VARS2: variants seen among roughly 807,000 people sequenced by gnomAD.
VARS2 encodes the protein valine--tRNA ligase, mitochondrial.
A neutral mutation model predicts 154.1 loss-of-function variants in VARS2; 105 were observed. That is an observed-to-expected ratio of 0.68 (90% CI 0.58 to 0.80). The LOEUF (loss-of-function observed/expected upper bound fraction) is 0.80, where lower values mean the gene tolerates loss of function less well. Among genes scored for constraint, VARS2 ranks in the 30% least tolerant of loss-of-function variants. The pLI is 0.00. For synonymous variants in VARS2, 483 were observed against 539.5 expected (o/e 0.90, Z 1.45); for missense variants, 1,157 against 1,361.4 (o/e 0.85, Z 2.36).
At position 30,918,995 on chromosome 6, in the gene VARS2, TTCTC is replaced by T. The variant is rs1172283080; in HGVS notation, c.1074+84_1074+87del. ...CTCTTGGGTTTTAAATGGTGGCTCT[TTCTC>T]TCTTGCTTCTACTTCCTTTTCCTGA... On this transcript the variant is annotated intron_variant, in intron 11 of 29. Coordinates refer to ENST00000676266, the MANE Select transcript of VARS2 (RefSeq NM_020442.6). The T allele has an allele frequency of 4.0e-5, 53 of 1,321,600 alleles. No individual in the cohort carries two copies. The African/African-American group carries it at 5.4e-4, about 13-fold the overall frequency. The allele number at this position is 1,321,600 out of a possible 1,614,324, so 81.9% of individuals were successfully genotyped here.
intron 26 of VARS2, 69 bp from the exon 27 acceptor site, chr6:30,925,205 G>C (rs1794756304): frequency 8.3e-6 from 10 of 1,202,524 alleles, no homozygotes; most frequent in Non-Finnish European, 1.1e-5. Flanking sequence ...GTCGAGAAGA[G>C]AGCCAGCAGG....
intron 21 of VARS2, 36 bp downstream of exon 21, chr6:30,922,590 G>A: frequency 6.4e-7 from 1 of 1,558,324 alleles, no homozygotes; most frequent in South Asian, 1.2e-5. Context: ...GACAAGGTTT[G>A]CAGGGTTTGC....
chr6:30,915,716 T>A, intron 4 of VARS2, 30 bp from the exon 5 acceptor site: 1 of 1,611,976 alleles, frequency 6.2e-7, no homozygotes, highest in Non-Finnish European at 8.5e-7. Context: ...CAATTCTCTC[T>A]TGCCCCTTTG....
intron 20 of VARS2, 46 bp from the exon 21 acceptor site, chr6:30,922,404 G>C: frequency 6.2e-7 from 1 of 1,608,698 alleles, no homozygotes. Flanking sequence ...AGATCCCAAG[G>C]CACCTCCAAG....
chr6:30,915,754 G>T lies in VARS2; in HGVS notation c.393G>T (p.Leu131=). 1.2e-6 allele frequency: 2 copies of T among 1,613,314 alleles called. No individual in the cohort carries two copies. Among genetic ancestry groups the T allele is most frequent in the African/African-American group, 1.3e-5 (1 of 75,004 alleles). The change falls in exon 5 of 30, where the codon CTG becomes CTT. Residue 131 remains leucine, a synonymous_variant. Coordinates refer to ENST00000676266, the MANE Select transcript of VARS2 (RefSeq NM_020442.6). ...GFFKPEYQAR[L]PQATGETFSM... ...TTTTTTTCTTCCTCTAGGCCCGGCT[G>T]CCCCAAGCTACAGGGGAGACCTTTT...
In VARS2 at chr6:30,925,514, C is replaced by T. The variant is rs375181373; in HGVS notation, c.2786-30C>T. On this transcript the variant is annotated intron_variant, in intron 27 of 29. Coordinates refer to ENST00000676266, the MANE Select transcript of VARS2 (RefSeq NM_020442.6). ...GTAGGAAGGGAGGCAGGAGCTGAGG[C>T]CTTGCCCCTGACAGTTTCTTTCTTT... 5.8e-6 allele frequency: 9 copies of T among 1,560,496 alleles called. No homozygotes were observed. The East Asian group carries it at 1.8e-4, about 31-fold the overall frequency.
At chr6:30,914,614 G>A in intron 1 of VARS2, 196 bp from the exon 2 acceptor site, 1 of 1,166,844 alleles carries the variant, frequency 8.6e-7, no homozygotes, top group Non-Finnish European at 1.2e-6. Flanking sequence ...TTCCGGAAGA[G>A]CCCTGATATC....
Position 30,916,286 on chromosome 6 carries a change from G to C in VARS2, c.671+37G>C, listed in dbSNP as rs751708016. 1.3e-6 allele frequency: 2 copies of C among 1,563,800 alleles called. No homozygotes were observed. The highest frequency in any genetic ancestry group is 1.7e-6 in the Non-Finnish European group (2 of 1,149,834). Reference sequence around the variant, plus strand: ...GGGCAGGACTCGGGGGGCCCAGATGGCAGATTTGGTTTCTTGCCTCCCACC... The same window carrying C: ...GGGCAGGACTCGGGGGGCCCAGATGCCAGATTTGGTTTCTTGCCTCCCACC... On this transcript the variant is annotated intron_variant, in intron 7 of 29. Coordinates refer to ENST00000676266, the MANE Select transcript of VARS2 (RefSeq NM_020442.6). The surrounding 1 kb of genome is among the most constrained non-coding windows in gnomAD (Gnocchi z 4.0).
chr6:30,917,958 G>C lies in VARS2; in HGVS notation c.985+152G>C, dbSNP rs374264172. ...GTGGGCACTTACCCAGGGTCTTCTG[G>C]GGGATGTACAAAAAGTGCATGTGGT... On this transcript the variant is annotated intron_variant, in intron 10 of 29. Transcript: ENST00000676266. This position sits in a 1 kb window ranked among gnomAD's most constrained non-coding sequence, Gnocchi z 4.4. 7.6e-6 allele frequency: 6 copies of C among 793,554 alleles called. No individual in the cohort carries two copies. The highest frequency in any genetic ancestry group is 3.2e-5 in the South Asian group (2 of 61,604). 49.2% of individuals were successfully genotyped at this position (793,554 alleles called of 1,614,324 possible).
Position 30,920,428 on chromosome 6 carries a change from C to T in VARS2, c.1389C>T (p.Pro463=). Residue 463 remains proline, a synonymous_variant, in exon 14 of 30, where the codon CCC becomes CCT. Transcript: ENST00000676266. This position sits in a 1 kb window ranked among gnomAD's most constrained non-coding sequence, Gnocchi z 4.6. ...TCCAGAACCACCCCATGGTACTGCCCATCTGCAGGTAACCTCATTTTAACT... is the reference window on the plus strand; with the variant it reads ...TCCAGAACCACCCCATGGTACTGCCTATCTGCAGGTAACCTCATTTTAACT... ...RGLQNHPMVL[P]ICSRSGDVIE... The T allele has an allele frequency of 1.2e-6, 2 of 1,606,214 alleles. No homozygotes were observed. Among genetic ancestry groups the T allele is most frequent in the Non-Finnish European group, 1.7e-6 (2 of 1,177,258 alleles).
rs1329661434 is a variant in VARS2, at chr6:30,922,154, G to A, written c.1845G>A (p.Leu615=). The change falls in exon 20 of 30, where the codon TTG becomes TTA. Residue 615 remains leucine, a synonymous_variant. Coordinates refer to ENST00000676266, the MANE Select transcript of VARS2 (RefSeq NM_020442.6). The stretch of plus-strand genomic sequence containing the variant: ...CTCGTTTCTACCCCCTGTCACTTTT[G>A]GAAACGGGCAGCGACCTTCTGCTGT... The part of the protein sequence containing the change: ...DLARFYPLSL[L]ETGSDLLLFW... 6 of 1,612,530 alleles carry A rather than the reference G, an allele frequency of 3.7e-6. No individual in the cohort carries two copies. The highest frequency in any genetic ancestry group is 5.1e-6 in the Non-Finnish European group (6 of 1,179,862).
chr6:30,916,820 CCTGGT>C lies in VARS2; in HGVS notation c.672-57_672-53del. ...TGGCATTGCTGGGGGCATCGCTGGG[CCTGGT>C]ACATAGGAAGTGCTTGGGAAGTGTT... On this transcript the variant is annotated intron_variant, in intron 7 of 29. Coordinates refer to ENST00000676266, the MANE Select transcript of VARS2 (RefSeq NM_020442.6). This position sits in a 1 kb window ranked among gnomAD's most constrained non-coding sequence, Gnocchi z 4.0. 1 of 1,576,852 alleles carries C rather than the reference CCTGGT, an allele frequency of 6.3e-7. No homozygotes were observed. The highest frequency in any genetic ancestry group is 8.7e-7 in the Non-Finnish European group (1 of 1,146,340).
rs147585802 is a variant in VARS2, at chr6:30,921,389, G to T, written c.1632+84G>T. On this transcript the variant is annotated intron_variant, in intron 17 of 29. Coordinates refer to ENST00000676266, the MANE Select transcript of VARS2 (RefSeq NM_020442.6). This position sits in a 1 kb window ranked among gnomAD's most constrained non-coding sequence, Gnocchi z 4.6. Reference sequence around the variant, plus strand: ...TCAGAGCTCCGCAGGGCCAAGTCCCGCTCCTGCCTGGTCATGTGCTTCATG... The same window carrying T: ...TCAGAGCTCCGCAGGGCCAAGTCCCTCTCCTGCCTGGTCATGTGCTTCATG... 1.5e-3 allele frequency: 2,324 copies of T among 1,539,130 alleles called. 63 individuals carry two copies. The Admixed American group carries it at 0.037, about 25-fold the overall frequency.
chr6:30,917,284 A>C lies in VARS2; in HGVS notation c.873+60A>C. 6.2e-7 allele frequency: 1 copy of C among 1,612,546 alleles called. No homozygotes were observed. The highest frequency in any genetic ancestry group is 1.1e-5 in the South Asian group (1 of 91,070). ...CTCTGAGGCAGAGTGGTCAATGATT[A>C]AGAGCTCAGACTCTGGAGCCAGGGT... is the stretch of plus-strand genomic sequence containing the variant. On this transcript the variant is annotated intron_variant, in intron 9 of 29. Transcript: ENST00000676266. This position sits in a 1 kb window ranked among gnomAD's most constrained non-coding sequence, Gnocchi z 4.4.
intron 4 of VARS2, 35 bp from the exon 5 acceptor site, chr6:30,915,709 TTC>T: frequency 6.2e-7 from 1 of 1,609,318 alleles, no homozygotes. Flanking sequence ...CCCAATCCAA[TTC>T]TCTCTTGCCC....
At chr6:30,914,624 C>T in intron 1 of VARS2, 186 bp from the exon 2 acceptor site, 1 of 1,124,092 alleles carries the variant, frequency 8.9e-7, no homozygotes, top group East Asian at 2.7e-5. Context: ...GCCCTGATAT[C>T]CGTGGCTCCA....
chr6:30,925,489 G>T, intron 27 of VARS2, 55 bp from the exon 28 acceptor site: 1 of 1,559,476 alleles, frequency 6.4e-7, no homozygotes, highest in Non-Finnish European at 8.6e-7. Context: ...GAGGTGCAGG[G>T]TAGGAAGGGA....
chr6:30,925,821 G>C, intron 28 of VARS2, 59 bp from the exon 29 acceptor site: 3 of 1,611,230 alleles, frequency 1.9e-6, no homozygotes. Flanking sequence ...CCTTCTAATG[G>C]AGGATGGAGG....
At chr6:30,918,680 C>T (rs1188787623) in intron 10 of VARS2, 147 bp from the exon 11 acceptor site, 5 of 573,640 alleles carry the variant, frequency 8.7e-6, no homozygotes, top group African/African-American at 8.1e-5. Flanking sequence ...AACACTGCTC[C>T]TACTTTTTTC....
Sources: allele counts gnomAD v4.1 joint callset, GRCh38; gene constraint gnomAD v4.1.1; non-coding constraint Gnocchi (gnomAD v3.1); transcripts MANE v1.5; gene names NCBI Gene and HGNC (gene_info 2026-07-23, HGNC 2026-07-21).